Variants in HERC1 observed in about 807,000 individuals in gnomAD.
HERC1 encodes the protein HECT and RLD domain containing E3 ubiquitin protein ligase family member 1.
Under a neutral mutation model 554.3 loss-of-function variants are expected in HERC1, and 160 were observed. The observed-to-expected ratio is 0.29, with a 90% CI of 0.25 to 0.33. The LOEUF is 0.33. HERC1 is among the 10% of genes least tolerant of loss of function. The pLI is 1.00. For synonymous variants in HERC1, 2,175 were observed against 2,131.7 expected (o/e 1.02, Z -0.56); for missense variants, 4,919 against 5,918.5 (o/e 0.83, Z 5.54).
In HERC1 at chr15:63,789,065, G is replaced by A. The variant is rs1052008995; in HGVS notation, c.-26-13416C>T. 7.3e-5 allele frequency among the ~76,000 whole-genome samples: 10 copies of A among 137,104 alleles called. No individual in the cohort carries two copies. In the South Asian group the frequency reaches 1.7e-3, roughly 23 times the overall value. The allele number at this position is 137,104 out of a possible 152,430, so 89.9% of individuals were successfully genotyped here. Reference sequence around the variant, plus strand: ...TCCTAATAAAAAATCTACTAATAAAGCAGGAATAAAAGGTTTTTTTTTTTT... The same window carrying A: ...TCCTAATAAAAAATCTACTAATAAAACAGGAATAAAAGGTTTTTTTTTTTT... On this transcript the variant is annotated intron_variant, in intron 1 of 77. Transcript: ENST00000443617.
chr15:63,671,184 C>G (rs1466605384), intron 39 of HERC1, among the ~76,000 whole-genome samples: 4 of 117,534 alleles, frequency 3.4e-5, no homozygotes, highest in Non-Finnish European at 7.0e-5. Flanking sequence ...GCCTGGGCAA[C>G]AAGAGTGAAA....
intron 39 of HERC1, among the ~76,000 whole-genome samples, chr15:63,670,729 T>C (rs772162850): frequency 3.4e-4 from 52 of 152,138 alleles, no homozygotes; most frequent in Non-Finnish European, 2.9e-5. Context: ...CCTTGAATTC[T>C]GTAATTGCCA....
At chr15:63,743,263 C>CTTTTTTTTTT (rs71131177) in intron 12 of HERC1, among the ~76,000 whole-genome samples, 2 of 109,186 alleles carry the variant, frequency 1.8e-5, no homozygotes, top group Non-Finnish European at 3.6e-5. Context: ...TTTTCTTTTT[C>CTTTTTTTTTT]TTTTTTTTTT....
At chr15:63,688,436 T>G (rs1378899500) in intron 33 of HERC1, among the ~76,000 whole-genome samples, 1 of 152,164 alleles carries the variant, frequency 6.6e-6, no homozygotes, top group Non-Finnish European at 1.5e-5. Context: ...GATGGGAATA[T>G]AAGTCTAGAA....
chr15:63,675,292 A>G (rs1481938814), intron 37 of HERC1, 175 bp from the exon 38 acceptor site: 1 of 511,766 alleles, frequency 2.0e-6, no homozygotes, highest in Non-Finnish European at 3.4e-6. Flanking sequence ...TTATGAGAAA[A>G]TGGGGAGATG....
intron 1 of HERC1, among the ~76,000 whole-genome samples, chr15:63,776,340 A>T (rs1370352139): frequency 6.6e-6 from 1 of 152,086 alleles, no homozygotes; most frequent in African/African-American, 2.4e-5. Flanking sequence ...CCTCCTGTAG[A>T]CTTCTTTCTC....
chr15:63,754,861 G>A (rs1332276739), intron 6 of HERC1, among the ~76,000 whole-genome samples: 1 of 152,112 alleles, frequency 6.6e-6, no homozygotes, highest in Non-Finnish European at 1.5e-5. Context: ...TGAACCATTA[G>A]AATATTCTTT....
intron 40 of HERC1, 140 bp downstream of exon 40, chr15:63,669,398 C>T: frequency 2.7e-6 from 2 of 746,868 alleles, no homozygotes; most frequent in Non-Finnish European, 4.5e-6. Flanking sequence ...AAGATCATAG[C>T]TCAGTTTAAT....
chr15:63,672,102 C>T (rs369137525), intron 39 of HERC1, among the ~76,000 whole-genome samples: 2 of 151,684 alleles, frequency 1.3e-5, no homozygotes, highest in Non-Finnish European at 2.9e-5. Context: ...AAGAAGTATG[C>T]TTAAAATGAA....
At chr15:63,796,736 G>A (rs2144557283) in intron 1 of HERC1, among the ~76,000 whole-genome samples, 1 of 152,274 alleles carries the variant, frequency 6.6e-6, no homozygotes, top group South Asian at 2.1e-4. Flanking sequence ...AAGCTTTCAG[G>A]TCATAGATAC....
Position 63,734,583 on chromosome 15 carries a change from TG to T in HERC1, c.2646+140del. 1.7e-6 allele frequency: 1 copy of T among 587,420 alleles called. No individual in the cohort carries two copies. Among genetic ancestry groups the T allele is most frequent in the Non-Finnish European group, 2.8e-6 (1 of 360,932 alleles). 36.4% of individuals were successfully genotyped at this position (587,420 alleles called of 1,614,324 possible). A position where few individuals can be genotyped will look rare whatever the true frequency, so the allele number is the denominator to read the frequency against. The stretch of plus-strand genomic sequence containing the variant: ...CTTCACCTAAGGTTGTTAAGACAAC[TG>T]GGAATTCTTCCAGCACAACACATTA... On this transcript the variant is annotated intron_variant, in intron 13 of 77. Coordinates refer to ENST00000443617, the MANE Select transcript of HERC1 (RefSeq NM_003922.4). The surrounding 1 kb of genome is among the most constrained non-coding windows in gnomAD (Gnocchi z 4.6).
chr15:63,806,302 A>G (rs147164747), intron 1 of HERC1, among the ~76,000 whole-genome samples: 201 of 151,954 alleles, frequency 1.3e-3, no homozygotes, highest in African/African-American at 4.5e-3. Flanking sequence ...TCACCTACAT[A>G]ATCTTTACCT....
intron 55 of HERC1, among the ~76,000 whole-genome samples, chr15:63,647,138 C>T (rs982581837): frequency 6.6e-6 from 1 of 151,990 alleles, no homozygotes; most frequent in Non-Finnish European, 1.5e-5. Flanking sequence ...CCTGTAATCC[C>T]AGCTACTCAG....
intron 19 of HERC1, among the ~76,000 whole-genome samples, chr15:63,720,777 A>G (rs1225094871): frequency 6.6e-6 from 1 of 152,172 alleles, no homozygotes; most frequent in African/African-American, 2.4e-5. Flanking sequence ...ACAAGACTCC[A>G]TTTCAAGGAA....
intron 71 of HERC1, 85 bp from the exon 72 acceptor site, chr15:63,624,412 T>C: frequency 7.6e-7 from 1 of 1,322,490 alleles, no homozygotes; most frequent in Non-Finnish European, 1.0e-6. Flanking sequence ...CATACATTAT[T>C]TTGGCTGGGC....
intron 19 of HERC1, among the ~76,000 whole-genome samples, chr15:63,720,075 T>C (rs1403978108): frequency 6.7e-6 from 1 of 149,292 alleles, no homozygotes; most frequent in East Asian, 1.9e-4. Context: ...CATTAGATGA[T>C]GAGGACTAGT....
Position 63,652,800 on chromosome 15 carries a change from GCCA to G in HERC1, c.10291-262_10291-260del, listed in dbSNP as rs571508715. ...CCAAACAGCTGGATTACAGGCACGT[GCCA>G]CCACAACTGGATAATTTTTGTATTT... On this transcript the variant is annotated intron_variant, in intron 51 of 77. Transcript: ENST00000443617. Among the ~76,000 whole-genome samples the G allele has an allele frequency of 1.1e-3, 164 of 152,188 alleles. 3 individuals carry two copies. The highest frequency in any genetic ancestry group is 2.3e-3 in the South Asian group (11 of 4,816).
intron 14 of HERC1, among the ~76,000 whole-genome samples, 175 bp from the exon 15 acceptor site, chr15:63,729,824 ACCAGCCTGG>A (rs2074202325): frequency 6.6e-6 from 1 of 151,842 alleles, no homozygotes; most frequent in Non-Finnish European, 1.5e-5. Flanking sequence ...GGAGGTTGAG[ACCAGCCTGG>A]CCAACATGGT....
Position 63,692,808 on chromosome 15 carries a change from A to C in HERC1, c.5675-242T>G, listed in dbSNP as rs982870880. Among the ~76,000 whole-genome samples the C allele has an allele frequency of 6.6e-6, 1 of 152,194 alleles. No individual in the cohort carries two copies. Among genetic ancestry groups the C allele is most frequent in the Non-Finnish European group, 1.5e-5 (1 of 68,042 alleles). On this transcript the variant is annotated intron_variant, in intron 30 of 77. Transcript: ENST00000443617. This position sits in a 1 kb window ranked among gnomAD's most constrained non-coding sequence, Gnocchi z 4.7. The stretch of plus-strand genomic sequence containing the variant: ...GAATATGCTATAACTATGATGACTA[A>C]GTATAATAAAGAATTATTGGTGACT...
Sources: gnomAD v4.1 joint callset for allele counts (sites outside exome capture counted in the v4.1 genomes callset) on GRCh38, gnomAD v4.1.1 for gene constraint, Gnocchi (gnomAD v3.1) non-coding constraint, MANE v1.5 for transcripts, NCBI Gene and HGNC (gene_info 2026-07-23, HGNC 2026-07-21) for gene names.